Variants in PDSS2 observed in about 807,000 individuals in gnomAD.
PDSS2 encodes all trans-polyprenyl-diphosphate synthase PDSS2.
Under a neutral mutation model 44.5 loss-of-function variants are expected in PDSS2, and 31 were observed. The ratio of observed to expected loss-of-function variants is 0.70; its 90% CI spans 0.52 to 0.94. The LOEUF (loss-of-function observed/expected upper bound fraction) is 0.94, where lower values mean the gene tolerates loss of function less well. PDSS2 is among the 40% of genes least tolerant of loss of function. The pLI, the probability that PDSS2 is intolerant of heterozygous loss-of-function variation, is 0.00. For missense variants in PDSS2, 452 were observed against 482.2 expected, an observed-to-expected ratio of 0.94 and a Z score of 0.59; for synonymous variants, 157 against 180.3, an observed-to-expected ratio of 0.87 and a Z score of 1.03.
chr6:107,205,726 T>C (rs764158720), intron 6 of PDSS2, among the ~76,000 whole-genome samples: 1 of 151,976 alleles, frequency 6.6e-6, no homozygotes, highest in African/African-American at 2.4e-5. Context: ...CATGCATCCA[T>C]AGGCCTATAG....
chr6:107,211,548 G>A (rs1182422338), intron 5 of PDSS2, among the ~76,000 whole-genome samples: 4 of 151,826 alleles, frequency 2.6e-5, no homozygotes, highest in Admixed American at 6.6e-5. Flanking sequence ...TGACCAACAT[G>A]GTGAAACCTC....
At chr6:107,418,811 T>G (rs1780740834) in intron 1 of PDSS2, among the ~76,000 whole-genome samples, 1 of 151,876 alleles carries the variant, frequency 6.6e-6, no homozygotes, top group Non-Finnish European at 1.5e-5. Flanking sequence ...AAAATAAAGG[T>G]GTGTTGTTTT....
At chr6:107,250,202 T>G (rs1312943751) in intron 3 of PDSS2, among the ~76,000 whole-genome samples, 1 of 150,092 alleles carries the variant, frequency 6.7e-6, no homozygotes, top group East Asian at 1.9e-4. Flanking sequence ...AAAAAAATCC[T>G]CGCATTGCTA....
chr6:107,284,912 A>G (rs892146472), intron 2 of PDSS2, among the ~76,000 whole-genome samples: 6 of 152,226 alleles, frequency 3.9e-5, no homozygotes, highest in Non-Finnish European at 8.8e-5. Context: ...AGGTTAATAA[A>G]CAAAATAATA....
rs1283815634 is a variant in PDSS2 at position 107,153,547 on chromosome 6, T to C, written c.*1072A>G. 1 of 152,492 alleles carries C rather than the reference T, an allele frequency of 6.6e-6. No individual in the cohort carries two copies. The highest frequency in any genetic ancestry group is 6.6e-5 in the Admixed American group (1 of 15,256). 9.4% of individuals were successfully genotyped at this position (152,492 alleles called of 1,614,324 possible). On this transcript the variant is annotated 3_prime_UTR_variant, in exon 8 of 8. Transcript: ENST00000369037. ...GTATTACAAATGAATACATTTCACT[T>C]GAAAAAAAGCTCCTTTTTCCTTAAA... is the stretch of plus-strand genomic sequence containing the variant.
chr6:107,325,525 A>G (rs1006862043), intron 2 of PDSS2, among the ~76,000 whole-genome samples: 3 of 152,222 alleles, frequency 2.0e-5, no homozygotes, highest in Non-Finnish European at 4.4e-5. Context: ...ATCTAAAGAT[A>G]GCATTTTACT....
Position 107,365,122 on chromosome 6 carries a change from T to C in PDSS2, c.297-30790A>G, listed in dbSNP as rs562011786. Among the ~76,000 whole-genome samples the C allele has an allele frequency of 3.9e-5, 6 of 152,242 alleles. 1 individual carries two copies. The highest frequency in any genetic ancestry group is 1.4e-4 in the African/African-American group (6 of 41,558). On this transcript the variant is annotated intron_variant, in intron 1 of 7. Coordinates refer to ENST00000369037, the MANE Select transcript of PDSS2 (RefSeq NM_020381.4). Reference sequence around the variant, plus strand: ...GGTAAATGTAAAAAAAATCTGTAAATACATTTTTCTCATTTCTTCTCTTAA... The same window carrying C: ...GGTAAATGTAAAAAAAATCTGTAAACACATTTTTCTCATTTCTTCTCTTAA...
At chr6:107,302,275 CTT>C (rs780389298) in intron 2 of PDSS2, among the ~76,000 whole-genome samples, 10 of 143,864 alleles carry the variant, frequency 7.0e-5, no homozygotes, top group Admixed American at 7.0e-5. Context: ...AACTTTCCCT[CTT>C]TTTTTTTTTT....
chr6:107,199,325 T>C (rs1001967961), intron 6 of PDSS2, among the ~76,000 whole-genome samples: 2 of 152,168 alleles, frequency 1.3e-5, no homozygotes, highest in East Asian at 1.9e-4. Flanking sequence ...TTAAACAGGG[T>C]CTTACTCTGT....
intron 4 of PDSS2, among the ~76,000 whole-genome samples, chr6:107,234,949 G>A (rs1774176044): frequency 1.3e-5 from 2 of 152,180 alleles, no homozygotes; most frequent in South Asian, 4.2e-4. Context: ...AAAGAGGTGA[G>A]GTTTTCTTTC....
intron 1 of PDSS2, among the ~76,000 whole-genome samples, chr6:107,428,994 C>T (rs1025170837): frequency 2.0e-5 from 3 of 152,080 alleles, no homozygotes; most frequent in Non-Finnish European, 2.9e-5. Flanking sequence ...GAACATATGC[C>T]CAGTCTAAAG....
chr6:107,176,654 G>T (rs1771800315), intron 7 of PDSS2, among the ~76,000 whole-genome samples: 4 of 152,066 alleles, frequency 2.6e-5, no homozygotes, highest in Admixed American at 2.6e-4. Flanking sequence ...TCACGCTGTG[G>T]CCTGCCATCC....
At chr6:107,170,449 C>T (rs906283444) in intron 7 of PDSS2, among the ~76,000 whole-genome samples, 2 of 152,194 alleles carry the variant, frequency 1.3e-5, no homozygotes, top group Non-Finnish European at 2.9e-5. Context: ...CCGCACCCTG[C>T]TTCAGCTCAC....
chr6:107,297,258 G>T (rs1023924976), intron 2 of PDSS2, among the ~76,000 whole-genome samples: 1 of 152,102 alleles, frequency 6.6e-6, no homozygotes. Context: ...AATATGAATT[G>T]CTTTTTCATA....
At chr6:107,424,570 G>A (rs1780930368) in intron 1 of PDSS2, among the ~76,000 whole-genome samples, 1 of 151,292 alleles carries the variant, frequency 6.6e-6, no homozygotes, top group African/African-American at 2.4e-5. Context: ...CCTATCCTTT[G>A]TCTTACTTAC....
chr6:107,307,503 G>A (rs563634986), intron 2 of PDSS2, among the ~76,000 whole-genome samples: 1 of 151,576 alleles, frequency 6.6e-6, no homozygotes, highest in Admixed American at 6.6e-5. Context: ...TCACAGATGG[G>A]GCACTTCTAC....
intron 3 of PDSS2, among the ~76,000 whole-genome samples, chr6:107,271,258 A>G (rs1030743814): frequency 6.6e-6 from 1 of 152,186 alleles, no homozygotes; most frequent in Non-Finnish European, 1.5e-5. Flanking sequence ...TTCTTAAGAA[A>G]AAAAATCAAT....
At chr6:107,170,877 TG>T (rs1379267366) in intron 7 of PDSS2, among the ~76,000 whole-genome samples, 2 of 152,088 alleles carry the variant, frequency 1.3e-5, no homozygotes, top group African/African-American at 4.8e-5. Flanking sequence ...CCTCCCAAAG[TG>T]CTGGGATTAC....
chr6:107,440,499 A>G (rs1383593076), intron 1 of PDSS2, among the ~76,000 whole-genome samples: 2 of 152,230 alleles, frequency 1.3e-5, no homozygotes, highest in Admixed American at 1.3e-4. Context: ...ACAGCTTATG[A>G]GCCAAACCAG....
Sources: allele counts gnomAD v4.1 joint callset (sites outside exome capture counted in the v4.1 genomes callset), GRCh38; gene constraint gnomAD v4.1.1; transcripts MANE v1.5; gene names NCBI Gene and HGNC (gene_info 2026-07-23, HGNC 2026-07-21).